The following NLRP11 variants were observed in gnomAD, a reference collection of about 807,000 sequenced individuals.
NLRP11 encodes NLR family pyrin domain containing 11.
Under a neutral mutation model 79.3 loss-of-function variants are expected in NLRP11, and 53 were observed. The observed-to-expected ratio is 0.67, with a 90% CI of 0.54 to 0.84. The LOEUF is 0.84. NLRP11 is among the 40% of genes least tolerant of loss of function. The pLI, the probability that NLRP11 is intolerant of heterozygous loss-of-function variation, is 0.00. For synonymous variants in NLRP11, 518 were observed against 462.6 expected, an observed-to-expected ratio of 1.12 and a Z score of -1.54; for missense variants, 1,264 against 1,255.0, an observed-to-expected ratio of 1.01 and a Z score of -0.11.
At chr19:55,819,784 C>T (rs1321638039) in intron 1 of NLRP11, among the ~76,000 whole-genome samples, 4 of 152,062 alleles carry the variant, frequency 2.6e-5, no homozygotes, top group South Asian at 4.1e-4. Flanking sequence ...GTAAAGAAAC[C>T]GCCAGTGAAG....
chr19:55,789,376 C>T (rs1990102114), exon 8 of NLRP11: 4 of 1,613,572 alleles, frequency 2.5e-6, no homozygotes, highest in Non-Finnish European at 2.5e-6. Flanking sequence ...ACAGATATCG[C>T]TGCTAAAGAA....
intron 1 of NLRP11, among the ~76,000 whole-genome samples, chr19:55,824,544 G>A (rs1274534382): frequency 7.5e-6 from 1 of 132,458 alleles, no homozygotes; most frequent in East Asian, 2.3e-4. Context: ...ACACACATAG[G>A]CTCAAAATAA....
chr19:55,836,567 G>A (rs1160263022), upstream of NLRP11: 1 of 152,370 alleles, frequency 6.6e-6, no homozygotes, highest in Non-Finnish European at 1.5e-5. Context: ...GGAGCGGTGA[G>A]TCAGCGCTTC....
rs748553352 is a variant in NLRP11, at chr19:55,809,983, G to A, written c.627C>T (p.Asp209=). Residue 209 remains aspartate, a synonymous_variant, in exon 3 of 10, where the codon GAC becomes GAT. Coordinates refer to ENST00000589093, the Ensembl canonical transcript of NLRP11. The surrounding 1 kb of genome is among the most constrained non-coding windows in gnomAD (Gnocchi z 4.5). ...GGATGTCTGCAATGGGAGCCTGGCC[G>A]TCAGGCCAGTCCTTGGCGATTAGCT... 12 of 1,614,114 alleles carry A rather than the reference G, an allele frequency of 7.4e-6. No individual in the cohort carries two copies. The highest frequency in any genetic ancestry group is 1.6e-4 in the Middle Eastern group (1 of 6,062).
At chr19:55,818,745 C>G (rs1981384863) in intron 1 of NLRP11, among the ~76,000 whole-genome samples, 1 of 152,104 alleles carries the variant, frequency 6.6e-6, no homozygotes, top group Non-Finnish European at 1.5e-5. Flanking sequence ...TTATAATAAG[C>G]AAACAGGCTG....
chr19:55,809,889 T>C lies in NLRP11; in HGVS notation c.721A>G (p.Asn241Asp). The C allele has an allele frequency of 6.2e-7, 1 of 1,614,168 alleles. No individual in the cohort carries two copies. The highest frequency in any genetic ancestry group is 8.5e-7 in the Non-Finnish European group (1 of 1,180,016). The change falls in exon 3 of 10, where the codon AAT becomes GAT. Residue 241 changes from asparagine to aspartate, a missense_variant. Asn to Asp is a conservative substitution (Grantham distance 23). Coordinates refer to ENST00000589093, the Ensembl canonical transcript of NLRP11. The surrounding 1 kb of genome is among the most constrained non-coding windows in gnomAD (Gnocchi z 4.5). Reference sequence around the variant, plus strand: ...CTGTTACTACACAAAGCACTTTCATTGACATTTAACTCGAATCTTATGTTG... The same window carrying C: ...CTGTTACTACACAAAGCACTTTCATCGACATTTAACTCGAATCTTATGTTG...
At chr19:55,790,811 G>A (rs1990192804) in intron 7 of NLRP11, among the ~76,000 whole-genome samples, 1 of 152,162 alleles carries the variant, frequency 6.6e-6, no homozygotes. Flanking sequence ...TATATAGAGA[G>A]TTAATGATGT....
chr19:55,793,426 G>A (rs146670336), intron 6 of NLRP11, among the ~76,000 whole-genome samples: 4 of 151,672 alleles, frequency 2.6e-5, no homozygotes, highest in Non-Finnish European at 5.9e-5. Flanking sequence ...AAAATTAGCC[G>A]GCATAGTGGT....
At chr19:55,796,646 T>C (rs1465945397) in intron 5 of NLRP11, among the ~76,000 whole-genome samples, 1 of 152,004 alleles carries the variant, frequency 6.6e-6, no homozygotes, top group Non-Finnish European at 1.5e-5. Flanking sequence ...TTTTTCTGCA[T>C]AGCCTTGGGT....
In NLRP11 at chr19:55,817,919, T is replaced by TGATCTTCCTACAAA; in HGVS notation, c.242_255dup (p.Ile86PhefsTer20). On this transcript the variant is annotated frameshift_variant, in exon 2 of 10. Coordinates refer to ENST00000589093, the Ensembl canonical transcript of NLRP11. LOFTEE classifies it high-confidence loss of function. Reference sequence around the variant, plus strand: ...CCCCACTCACGGTTTCGTCTGCCAATGATCTTCCTACAAAGATCTTCCTTA... The same window carrying TGATCTTCCTACAAA: ...CCCCACTCACGGTTTCGTCTGCCAATGATCTTCCTACAAAGATCTTCCTACAAAGATCTTCCTTA... The TGATCTTCCTACAAA allele has an allele frequency of 6.2e-7, 1 of 1,608,308 alleles. No homozygotes were observed.
At chr19:55,798,986 G>GA (rs1316820182) in intron 5 of NLRP11, among the ~76,000 whole-genome samples, 2 of 152,190 alleles carry the variant, frequency 1.3e-5, no homozygotes, top group African/African-American at 2.4e-5. Flanking sequence ...CAGGCCACAA[G>GA]AAAATCTGTA....
At chr19:55,798,512 G>A (rs1310805687) in intron 5 of NLRP11, among the ~76,000 whole-genome samples, 1 of 152,098 alleles carries the variant, frequency 6.6e-6, no homozygotes, top group African/African-American at 2.4e-5. Flanking sequence ...CCGACTTGAG[G>A]GCTGAGATTC....
chr19:55,833,503 T>C (rs903902191), upstream of NLRP11, among the ~76,000 whole-genome samples: 3 of 151,984 alleles, frequency 2.0e-5, no homozygotes, highest in Admixed American at 1.3e-4. Context: ...CGGTGGCTCA[T>C]GCCTGTAATC....
At position 55,788,829 on chromosome 19, in the gene NLRP11, C is replaced by A. The variant is rs562593953; in HGVS notation, c.2833G>T (p.Asp945Tyr). Residue 945 changes from aspartate to tyrosine, a missense_variant, in exon 9 of 10, where the codon GAT (aspartate) becomes TAT (tyrosine). Asp to Tyr is a radical substitution (Grantham distance 160). Transcript: ENST00000589093. ...TACCCAACTACCTTAAGTACACAAT[C>A]TGGGCTGATCAAGCTCTCAAGAAGT... The A allele has an allele frequency of 1.9e-6, 3 of 1,579,454 alleles. No homozygotes were observed. In the South Asian group the frequency reaches 3.3e-5, roughly 17 times the overall value.
rs868582143 is a variant in NLRP11 at position 55,785,755 on chromosome 19, A to G, written c.2972T>C (p.Ile991Thr). ...TGGCTGAGAAGCAGGTGTCACACCA[A>G]TTTCTCTGCCTTCCTTTAAAGACCA... Residue 991 changes from isoleucine (I) to threonine (T), a missense_variant, in exon 10 of 10, where the codon ATT (isoleucine) becomes ACT (threonine). Ile to Thr is a moderately conservative substitution (Grantham distance 89). Coordinates refer to ENST00000589093, the Ensembl canonical transcript of NLRP11. 2.5e-6 allele frequency: 4 copies of G among 1,614,154 alleles called. No homozygotes were observed. The South Asian group carries it at 3.3e-5, about 13-fold the overall frequency.
intron 2 of NLRP11, among the ~76,000 whole-genome samples, chr19:55,817,165 T>TAA (rs138129785): frequency 2.0e-5 from 3 of 151,514 alleles, no homozygotes; most frequent in African/African-American, 4.9e-5. Flanking sequence ...ATGGCCATGA[T>TAA]AAAAAAAAAT....
At chr19:55,833,978 A>C (rs1983026624), upstream of NLRP11, among the ~76,000 whole-genome samples, 1 of 151,802 alleles carries the variant, frequency 6.6e-6, no homozygotes, top group Non-Finnish European at 1.5e-5. Flanking sequence ...CCTTCTCCCT[A>C]CCTTAGAGAA....
chr19:55,819,282 G>T (rs1443481689), intron 1 of NLRP11, among the ~76,000 whole-genome samples: 3 of 151,834 alleles, frequency 2.0e-5, no homozygotes, highest in Non-Finnish European at 4.4e-5. Context: ...CCCTGGCCAG[G>T]CTCCTGCTGT....
chr19:55,823,561 T>A (rs995384320), intron 1 of NLRP11, among the ~76,000 whole-genome samples: 1 of 140,540 alleles, frequency 7.1e-6, no homozygotes, highest in Non-Finnish European at 1.5e-5. Context: ...TACAGAGAAG[T>A]GCTTAAAGGA....
Sources: allele counts gnomAD v4.1 joint callset (sites outside exome capture counted in the v4.1 genomes callset), GRCh38; gene constraint gnomAD v4.1.1; non-coding constraint Gnocchi (gnomAD v3.1); transcripts MANE v1.5; gene names NCBI Gene and HGNC (gene_info 2026-07-23, HGNC 2026-07-21).